ADARB2: variants seen among roughly 807,000 people sequenced by gnomAD.
The protein encoded by ADARB2 is inactive double-stranded RNA-specific editase B2.
In ADARB2, 25 loss-of-function variants were observed where a neutral mutation model predicts 62.2. The ratio of observed to expected loss-of-function variants is 0.40; its 90% CI spans 0.29 to 0.56. The LOEUF is 0.56. Among genes scored for constraint, ADARB2 ranks in the 20% least tolerant of loss-of-function variants. ADARB2 has a pLI of 0.43. For synonymous variants in ADARB2, 572 were observed against 500.8 expected, an observed-to-expected ratio of 1.14 and a Z score of -1.90; for missense variants, 1,071 against 1,077.4, an observed-to-expected ratio of 0.99 and a Z score of 0.08.
rs767368849 is a variant in ADARB2 at position 1,527,004 on chromosome 10, C to G, written c.101-147844G>C. 32 of 253,998 alleles carry G rather than the reference C, an allele frequency of 1.3e-4. 1 individual carries two copies. The highest frequency in any genetic ancestry group is 5.9e-4 in the South Asian group (14 of 23,696). The allele number at this position is 253,998 out of a possible 1,614,324, so 15.7% of individuals were successfully genotyped here. ...TTTGTGCACAGCTCTGACTTCCAAA[C>G]GAAACCACTCCAGCTTTTTGGAAGC... On this transcript the variant is annotated intron_variant, in intron 1 of 9. Coordinates refer to ENST00000381312, the MANE Select transcript of ADARB2 (RefSeq NM_018702.4).
At chr10:1,200,230 C>A (rs1243612369) in intron 7 of ADARB2, 83 bp from the exon 8 acceptor site, 1 of 1,525,370 alleles carries the variant, frequency 6.6e-7, no homozygotes. Flanking sequence ...CGGCCTGGTC[C>A]TGAGGACCTG....
chr10:1,579,025 G>T lies in ADARB2; in HGVS notation c.100+158026C>A, dbSNP rs192151461. On this transcript the variant is annotated intron_variant, in intron 1 of 9. Coordinates refer to ENST00000381312, the MANE Select transcript of ADARB2 (RefSeq NM_018702.4). ...TCAGGGCAGGAGGCAGGTGGATAGC[G>T]AGCGGGATGGATCAGGATACCACGA... 2.6e-5 allele frequency among the ~76,000 whole-genome samples: 4 copies of T among 152,164 alleles called. No individual in the cohort carries two copies. In the East Asian group the frequency reaches 7.7e-4, roughly 29 times the overall value.
At chr10:1,542,889 G>A (rs1180442562) in intron 1 of ADARB2, among the ~76,000 whole-genome samples, 1 of 145,688 alleles carries the variant, frequency 6.9e-6, no homozygotes, top group African/African-American at 2.5e-5. Context: ...GATCACAGCC[G>A]CCCAGACCCC....
intron 3 of ADARB2, among the ~76,000 whole-genome samples, chr10:1,347,600 A>G (rs2131842170): frequency 6.6e-6 from 1 of 152,284 alleles, no homozygotes; most frequent in South Asian, 2.1e-4. Flanking sequence ...ACAGATCAGG[A>G]GCCAGGAGGC....
intron 6 of ADARB2, among the ~76,000 whole-genome samples, chr10:1,230,958 AC>A (rs1180870933): frequency 2.0e-5 from 3 of 152,276 alleles, no homozygotes; most frequent in Admixed American, 1.3e-4. Flanking sequence ...CTGGAAGTGA[AC>A]CTCAGGGTGC....
Position 1,379,666 on chromosome 10 carries a change from G to T in ADARB2, c.101-506C>A, listed in dbSNP as rs1832465102. 1.3e-5 allele frequency among the ~76,000 whole-genome samples: 2 copies of T among 152,244 alleles called. 1 individual carries two copies. Among genetic ancestry groups the T allele is most frequent in the South Asian group, 4.1e-4 (2 of 4,832 alleles). ...GTCACTTAGCGGGTGTTTGGCAGAA[G>T]TAGAGGAGGGGAGGAGGGAGCTAGC... On this transcript the variant is annotated intron_variant, in intron 1 of 9. Transcript: ENST00000381312.
At chr10:1,395,829 C>T (rs1029123535) in intron 1 of ADARB2, among the ~76,000 whole-genome samples, 17 of 152,204 alleles carry the variant, frequency 1.1e-4, no homozygotes, top group African/African-American at 1.9e-4. Context: ...CTGCCTTCAG[C>T]GCCCCCGGCT....
At chr10:1,687,030 T>C (rs1435342420) in intron 1 of ADARB2, among the ~76,000 whole-genome samples, 1 of 68,366 alleles carries the variant, frequency 1.5e-5, no homozygotes, top group African/African-American at 5.7e-5. Flanking sequence ...TGACATTGCC[T>C]TTTTTTTTTT....
intron 1 of ADARB2, among the ~76,000 whole-genome samples, chr10:1,610,473 A>G (rs2132020465): frequency 6.6e-6 from 1 of 152,374 alleles, no homozygotes; most frequent in Non-Finnish European, 1.5e-5. Context: ...TTTCTGGGTA[A>G]AACAAGTGGA....
chr10:1,609,476 G>A (rs1337728751), intron 1 of ADARB2, among the ~76,000 whole-genome samples: 15 of 152,220 alleles, frequency 9.9e-5, no homozygotes, highest in Admixed American at 4.6e-4. Flanking sequence ...AAGCCTCCTG[G>A]CCCGAGGACC....
At chr10:1,661,253 C>T (rs80158430) in intron 1 of ADARB2, among the ~76,000 whole-genome samples, 170 of 152,286 alleles carry the variant, frequency 1.1e-3, no homozygotes, top group Non-Finnish European at 1.6e-3. Flanking sequence ...CAGGCCCTGT[C>T]CCCGTCGTCA....
At chr10:1,257,856 T>C (rs1184328170) in intron 4 of ADARB2, among the ~76,000 whole-genome samples, 1 of 152,140 alleles carries the variant, frequency 6.6e-6, no homozygotes, top group Admixed American at 6.5e-5. Flanking sequence ...AATTTAAATA[T>C]GGGGTCTACT....
intron 1 of ADARB2, among the ~76,000 whole-genome samples, chr10:1,730,001 C>A (rs987987408): frequency 2.0e-5 from 3 of 152,146 alleles, no homozygotes; most frequent in African/African-American, 7.2e-5. Context: ...AAAGCACATC[C>A]TGGTTAAGGG....
At position 1,642,837 on chromosome 10, in the gene ADARB2, C is replaced by T. The variant is rs372249636; in HGVS notation, c.100+94214G>A. The stretch of plus-strand genomic sequence containing the variant: ...ATCCACACTCACACTCACACACACT[C>T]GCCCCTTGGCTGTGAACTGCAGGCA... On this transcript the variant is annotated intron_variant, in intron 1 of 9. Coordinates refer to ENST00000381312, the MANE Select transcript of ADARB2 (RefSeq NM_018702.4). Among the ~76,000 whole-genome samples, 10 of 152,176 alleles carry T rather than the reference C, an allele frequency of 6.6e-5. No homozygotes were observed. The East Asian group carries it at 7.7e-4, about 12-fold the overall frequency.
At chr10:1,192,886 T>G (rs1836861824) in intron 8 of ADARB2, among the ~76,000 whole-genome samples, 1 of 152,234 alleles carries the variant, frequency 6.6e-6, no homozygotes, top group Admixed American at 6.5e-5. Flanking sequence ...GAGGTTGCAG[T>G]GAGCCGAGAT....
At chr10:1,605,764 GA>G (rs1833486301) in intron 1 of ADARB2, among the ~76,000 whole-genome samples, 1 of 152,162 alleles carries the variant, frequency 6.6e-6, no homozygotes, top group Non-Finnish European at 1.5e-5. Flanking sequence ...TCAATAACAG[GA>G]AGAGTGATGC....
rs551961865 is a variant in ADARB2 at position 1,242,292 on chromosome 10, A to G, written c.1200T>C (p.Asp400=). ...GGGCCACGACCTGCGCCTGCCGAGC[A>G]TCCAGGCCTGGGGACACAGATAGCA... is the stretch of plus-strand genomic sequence containing the variant. The part of the protein sequence containing the change: ...LAGIVMTKGL[D]ARQAQVVALS... The change falls in exon 5 of 10, where the codon GAT becomes GAC. Residue 400 remains aspartate (D), a synonymous_variant. Coordinates refer to ENST00000381312, the MANE Select transcript of ADARB2 (RefSeq NM_018702.4). 1.1e-5 allele frequency: 17 copies of G among 1,558,308 alleles called. No homozygotes were observed. The African/African-American group carries it at 2.3e-4, about 21-fold the overall frequency.
At chr10:1,411,315 G>A (rs1832757619) in intron 1 of ADARB2, among the ~76,000 whole-genome samples, 1 of 152,196 alleles carries the variant, frequency 6.6e-6, no homozygotes, top group Admixed American at 6.5e-5. Flanking sequence ...ACACAGTGCT[G>A]CTCCTTCAAG....
intron 1 of ADARB2, among the ~76,000 whole-genome samples, chr10:1,599,370 C>A (rs980437229): frequency 6.6e-5 from 10 of 152,226 alleles, no homozygotes; most frequent in African/African-American, 2.4e-4. Context: ...AAGTGAGAAA[C>A]ATGTAAAGTG....
Sources: allele counts gnomAD v4.1 joint callset (sites outside exome capture counted in the v4.1 genomes callset), GRCh38; gene constraint gnomAD v4.1.1; transcripts MANE v1.5; gene names NCBI Gene and HGNC (gene_info 2026-07-23, HGNC 2026-07-21).